The following KCNIP1 variants were observed in gnomAD, a reference collection of about 807,000 sequenced individuals.
KCNIP1 encodes potassium voltage-gated channel interacting protein 1.
Under a neutral mutation model 33.0 loss-of-function variants are expected in KCNIP1, and 18 were observed. The observed-to-expected ratio is 0.55, with a 90% CI of 0.38 to 0.81. The LOEUF (loss-of-function observed/expected upper bound fraction) is 0.81. Among genes scored for constraint, KCNIP1 ranks in the 30% least tolerant of loss-of-function variants. KCNIP1 has a pLI of 0.00. For missense variants in KCNIP1, 238 were observed against 271.6 expected, an observed-to-expected ratio of 0.88 and a Z score of 0.87; for synonymous variants, 93 against 98.3, an observed-to-expected ratio of 0.95 and a Z score of 0.32.
At chr5:170,634,998 T>C (rs780538267) in intron 1 of KCNIP1, among the ~76,000 whole-genome samples, 2 of 152,226 alleles carry the variant, frequency 1.3e-5, no homozygotes, top group African/African-American at 4.8e-5. Flanking sequence ...TGCTTCCATA[T>C]ATAAATGTAA....
At chr5:170,439,514 C>G (rs1398140031) in intron 1 of KCNIP1, among the ~76,000 whole-genome samples, 2 of 152,102 alleles carry the variant, frequency 1.3e-5, no homozygotes, top group Admixed American at 6.5e-5. Context: ...CTTGGCACCA[C>G]CTGGTGGTCT....
At chr5:170,700,172 CCTCTGCCCAGAACG>C (rs1763045365) in intron 1 of KCNIP1, among the ~76,000 whole-genome samples, 1 of 151,882 alleles carries the variant, frequency 6.6e-6, no homozygotes, top group South Asian at 2.1e-4. Flanking sequence ...GAGGATGTTC[CCTCTGCCCAGAACG>C]CTCTCCCTCA....
At chr5:170,682,220 G>T (rs532152156) in intron 1 of KCNIP1, among the ~76,000 whole-genome samples, 1 of 152,312 alleles carries the variant, frequency 6.6e-6, no homozygotes, top group Admixed American at 6.5e-5. Flanking sequence ...TCCATAATCT[G>T]TCTCGGTTTA....
intron 1 of KCNIP1, among the ~76,000 whole-genome samples, chr5:170,550,459 ATGATGATGG>A (rs931654558): frequency 6.6e-6 from 1 of 152,016 alleles, no homozygotes; most frequent in Admixed American, 6.5e-5. Flanking sequence ...GATGGCAATG[ATGATGATGG>A]TGATGATGAT....
intron 1 of KCNIP1, among the ~76,000 whole-genome samples, chr5:170,413,099 G>A (rs1042751404): frequency 6.6e-6 from 1 of 152,328 alleles, no homozygotes; most frequent in Non-Finnish European, 1.5e-5. Context: ...AATGAAGGAA[G>A]GGAGGAAGGA....
At chr5:170,526,725 T>C (rs965420918) in intron 1 of KCNIP1, among the ~76,000 whole-genome samples, 2 of 143,480 alleles carry the variant, frequency 1.4e-5, no homozygotes, top group African/African-American at 5.8e-5. Flanking sequence ...TTAGCTTTTT[T>C]TTTTTTTTTT....
At chr5:170,604,657 A>G (rs898125060) in intron 1 of KCNIP1, among the ~76,000 whole-genome samples, 1 of 151,632 alleles carries the variant, frequency 6.6e-6, no homozygotes, top group Admixed American at 6.6e-5. Flanking sequence ...CACTCCTGGT[A>G]TGTAGTGGAA....
At chr5:170,452,264 G>A (rs1196562743) in intron 1 of KCNIP1, among the ~76,000 whole-genome samples, 1 of 152,168 alleles carries the variant, frequency 6.6e-6, no homozygotes, top group Non-Finnish European at 1.5e-5. Flanking sequence ...TAGTTGAGGA[G>A]GATGATTAAT....
In KCNIP1 at chr5:170,504,700, T is replaced by G; in HGVS notation, c.61+67T>G. The G allele has an allele frequency of 4.7e-6, 6 of 1,286,666 alleles. No homozygotes were observed. Among genetic ancestry groups the G allele is most frequent in the African/African-American group, 2.9e-5 (2 of 68,824 alleles). The allele number at this position is 1,286,666 out of a possible 1,614,324, so 79.7% of individuals were successfully genotyped here. On this transcript the variant is annotated intron_variant, in intron 1 of 7. Coordinates refer to ENST00000328939, the MANE Select transcript of KCNIP1 (RefSeq NM_014592.4). The surrounding 1 kb of genome is among the most constrained non-coding windows in gnomAD (Gnocchi z 6.0). ...GGGTGCTAGGCGCCGAGGTGGGCTG[T>G]GCCACCTGCCTCCCTTAGTCCGGAC...
intron 1 of KCNIP1, among the ~76,000 whole-genome samples, chr5:170,435,961 G>C (rs530563823): frequency 6.6e-6 from 1 of 152,028 alleles, no homozygotes; most frequent in Non-Finnish European, 1.5e-5. Flanking sequence ...CTGCCCCCTC[G>C]ATCTCAATCA....
chr5:170,619,747 C>A (rs1360020050), intron 1 of KCNIP1, among the ~76,000 whole-genome samples: 1 of 152,198 alleles, frequency 6.6e-6, no homozygotes, highest in Non-Finnish European at 1.5e-5. Context: ...AAACTTCTTG[C>A]CTTCTTGGTA....
intron 1 of KCNIP1, among the ~76,000 whole-genome samples, chr5:170,419,596 G>C (rs890911610): frequency 5.3e-5 from 8 of 152,218 alleles, no homozygotes; most frequent in African/African-American, 1.9e-4. Context: ...CCATCTCTGA[G>C]TCGTATGATC....
chr5:170,613,774 T>C (rs1759268908), intron 1 of KCNIP1, among the ~76,000 whole-genome samples: 2 of 152,166 alleles, frequency 1.3e-5, no homozygotes, highest in South Asian at 4.1e-4. Flanking sequence ...AAAAAGGTCA[T>C]ATTAGACCAC....
At chr5:170,566,491 G>C (rs1757208915) in intron 1 of KCNIP1, among the ~76,000 whole-genome samples, 1 of 152,180 alleles carries the variant, frequency 6.6e-6, no homozygotes, top group East Asian at 1.9e-4. Flanking sequence ...ACTTGTCCAA[G>C]GTCATACAAG....
intron 1 of KCNIP1, among the ~76,000 whole-genome samples, chr5:170,571,833 G>A (rs745634831): frequency 1.1e-4 from 16 of 152,200 alleles, no homozygotes; most frequent in Admixed American, 2.0e-4. Context: ...AGCAGAGCTG[G>A]CCCTTCGCCT....
At chr5:170,704,716 C>T (rs2113842542) in intron 1 of KCNIP1, among the ~76,000 whole-genome samples, 1 of 152,324 alleles carries the variant, frequency 6.6e-6, no homozygotes, top group South Asian at 2.1e-4. Flanking sequence ...CCTGGGGCCC[C>T]TCCAGGTCCC....
chr5:170,540,385 A>G (rs532845211), intron 1 of KCNIP1, among the ~76,000 whole-genome samples: 197 of 152,316 alleles, frequency 1.3e-3, no homozygotes, highest in Middle Eastern at 3.4e-3. Context: ...AGCCCAGCAT[A>G]CTTACAGCCC....
chr5:170,466,249 T>C (rs1160084106), intron 1 of KCNIP1, among the ~76,000 whole-genome samples: 1 of 152,116 alleles, frequency 6.6e-6, no homozygotes, highest in African/African-American at 2.4e-5. Context: ...GGTGGTGTCA[T>C]TCACTGAGAA....
chr5:170,616,758 G>A (rs1364084880), intron 1 of KCNIP1, among the ~76,000 whole-genome samples: 2 of 152,192 alleles, frequency 1.3e-5, no homozygotes, highest in African/African-American at 4.8e-5. Context: ...AAACCTGCAT[G>A]TTCTCTCTTG....
Sources: allele counts gnomAD v4.1 joint callset (sites outside exome capture counted in the v4.1 genomes callset), GRCh38; gene constraint gnomAD v4.1.1; non-coding constraint Gnocchi (gnomAD v3.1); transcripts MANE v1.5; gene names NCBI Gene and HGNC (gene_info 2026-07-23, HGNC 2026-07-21).